Variants in GRM3 observed in about 807,000 individuals in gnomAD.
GRM3 encodes metabotropic glutamate receptor 3.
A neutral mutation model predicts 70.5 loss-of-function variants in GRM3; 26 were observed. That is an observed-to-expected ratio of 0.37 (90% CI 0.27 to 0.51). The LOEUF is 0.51. Among genes scored for constraint, GRM3 ranks in the 20% least tolerant of loss-of-function variants. GRM3 has a pLI of 0.93. For missense variants in GRM3, 859 were observed against 1,123.8 expected, an observed-to-expected ratio of 0.76 and a Z score of 3.37; for synonymous variants, 443 against 434.9, an observed-to-expected ratio of 1.02 and a Z score of -0.23.
At chr7:86,859,710 C>T (rs1426356224) in intron 5 of GRM3, among the ~76,000 whole-genome samples, 1 of 152,144 alleles carries the variant, frequency 6.6e-6, no homozygotes, top group Non-Finnish European at 1.5e-5. Context: ...CCAGTCTTAG[C>T]CACTAAATTG....
chr7:86,770,317 A>G (rs1796705436), intron 2 of GRM3, among the ~76,000 whole-genome samples: 1 of 152,152 alleles, frequency 6.6e-6, no homozygotes, highest in Admixed American at 6.6e-5. Context: ...TAGAAAGGGC[A>G]GAAGAGAGCC....
intron 1 of GRM3, among the ~76,000 whole-genome samples, chr7:86,734,221 G>T (rs1795804156): frequency 6.6e-6 from 1 of 152,098 alleles, no homozygotes; most frequent in African/African-American, 2.4e-5. Context: ...ATTGAAAAAA[G>T]AATGTGTTGA....
At chr7:86,863,207 T>C (rs1798992330) in intron 5 of GRM3, among the ~76,000 whole-genome samples, 1 of 152,152 alleles carries the variant, frequency 6.6e-6, no homozygotes, top group Non-Finnish European at 1.5e-5. Context: ...AAGGGTGAAA[T>C]ATATATAACT....
At chr7:86,801,288 C>G (rs182487608) in intron 3 of GRM3, among the ~76,000 whole-genome samples, 1 of 152,016 alleles carries the variant, frequency 6.6e-6, no homozygotes, top group Non-Finnish European at 1.5e-5. Context: ...CCAGGCTGAT[C>G]TTGAACTCCT....
intron 1 of GRM3, among the ~76,000 whole-genome samples, chr7:86,732,168 A>G (rs1299904897): frequency 6.6e-6 from 1 of 152,186 alleles, no homozygotes; most frequent in East Asian, 1.9e-4. Flanking sequence ...AGAGCCTTCC[A>G]TTTTTAAGAA....
intron 1 of GRM3, among the ~76,000 whole-genome samples, chr7:86,742,478 C>A (rs1465496619): frequency 6.6e-6 from 1 of 151,974 alleles, no homozygotes; most frequent in East Asian, 1.9e-4. Flanking sequence ...GTGAAAAGGT[C>A]CTGAAAGAGC....
Position 86,788,413 on chromosome 7 carries a change from G to A in GRM3, c.1324+1297G>A, listed in dbSNP as rs141857555. ...GCATAACTTCTTTACTTTCCCCAGA[G>A]AGGGCCGAAAGTAGTCAAAATCAAT... On this transcript the variant is annotated intron_variant, in intron 3 of 5. Coordinates refer to ENST00000361669, the MANE Select transcript of GRM3 (RefSeq NM_000840.3). Among the ~76,000 whole-genome samples the A allele has an allele frequency of 6.7e-4, 102 of 152,276 alleles. 1 individual carries two copies. The highest frequency in any genetic ancestry group is 2.4e-3 in the African/African-American group (100 of 41,564).
At chr7:86,748,013 C>T (rs1013934076) in intron 1 of GRM3, among the ~76,000 whole-genome samples, 1 of 152,042 alleles carries the variant, frequency 6.6e-6, no homozygotes, top group Non-Finnish European at 1.5e-5. Context: ...CTGTGGTTAA[C>T]TTCTTCTTTT....
intron 1 of GRM3, among the ~76,000 whole-genome samples, chr7:86,762,598 C>A (rs946496098): frequency 2.0e-5 from 3 of 152,080 alleles, no homozygotes; most frequent in Non-Finnish European, 4.4e-5. Context: ...TCAATGAGCA[C>A]ACAAGAAAAC....
chr7:86,858,083 A>G (rs1203465441), intron 5 of GRM3, among the ~76,000 whole-genome samples: 1 of 151,960 alleles, frequency 6.6e-6, no homozygotes, highest in Admixed American at 6.6e-5. Flanking sequence ...CAGCCTCCCA[A>G]GTAGCTGGGA....
chr7:86,758,308 G>A (rs1436320221), intron 1 of GRM3, among the ~76,000 whole-genome samples: 1 of 152,078 alleles, frequency 6.6e-6, no homozygotes, highest in Non-Finnish European at 1.5e-5. Flanking sequence ...TCACCATTTT[G>A]TCCAGAGCTA....
intron 1 of GRM3, among the ~76,000 whole-genome samples, chr7:86,684,439 G>C (rs183678285): frequency 6.6e-6 from 1 of 152,258 alleles, no homozygotes; most frequent in Admixed American, 6.5e-5. Context: ...AATGTCTACA[G>C]AATAAACGAT....
intron 3 of GRM3, among the ~76,000 whole-genome samples, chr7:86,800,922 C>G (rs1278034889): frequency 6.6e-6 from 1 of 152,122 alleles, no homozygotes; most frequent in Non-Finnish European, 1.5e-5. Context: ...AGCAGCACAT[C>G]AAAAAGCTTA....
intron 1 of GRM3, among the ~76,000 whole-genome samples, chr7:86,685,794 T>A (rs927909741): frequency 2.0e-5 from 3 of 150,926 alleles, no homozygotes; most frequent in Non-Finnish European, 4.4e-5. Flanking sequence ...TAGTCCAAGC[T>A]ACTCACAAGG....
chr7:86,845,971 CT>C (rs1221496254), intron 4 of GRM3, among the ~76,000 whole-genome samples: 1 of 152,174 alleles, frequency 6.6e-6, no homozygotes, highest in Non-Finnish European at 1.5e-5. Context: ...GTGTGTTTTG[CT>C]TCTTTTTGAT....
chr7:86,783,543 C>T (rs1310286787), intron 2 of GRM3, among the ~76,000 whole-genome samples: 7 of 151,618 alleles, frequency 4.6e-5, no homozygotes, highest in African/African-American at 1.7e-4. Context: ...ATGTACATAC[C>T]CAGTACATTG....
intron 2 of GRM3, among the ~76,000 whole-genome samples, chr7:86,774,163 G>A (rs888163623): frequency 6.6e-6 from 1 of 152,056 alleles, no homozygotes; most frequent in Non-Finnish European, 1.5e-5. Flanking sequence ...TTAAATATGT[G>A]CCTTTTTCAT....
chr7:86,802,598 G>GAAAA (rs111893340), intron 3 of GRM3, among the ~76,000 whole-genome samples: 3 of 135,624 alleles, frequency 2.2e-5, no homozygotes, highest in Admixed American at 1.5e-4. Flanking sequence ...ATAGTAAATT[G>GAAAA]AAAAAAAAAA....
At chr7:86,835,784 G>C (rs28399010) in intron 3 of GRM3, among the ~76,000 whole-genome samples, 8,911 of 151,930 alleles carry the variant, frequency 0.059, 868 homozygotes, top group African/African-American at 0.2. Context: ...CTAACTTTTT[G>C]TATTTTTGGT....
Sources: allele counts gnomAD v4.1 joint callset (sites outside exome capture counted in the v4.1 genomes callset), GRCh38; gene constraint gnomAD v4.1.1; transcripts MANE v1.5; gene names NCBI Gene and HGNC (gene_info 2026-07-23, HGNC 2026-07-21).